TMEM87B: variants seen among roughly 807,000 people sequenced by gnomAD.
TMEM87B encodes transmembrane protein 87B.
A neutral mutation model predicts 80.3 loss-of-function variants in TMEM87B; 83 were observed. The ratio of observed to expected loss-of-function variants is 1.03; its 90% confidence interval spans 0.87 to 1.24. TMEM87B has a LOEUF of 1.24. Among genes scored for constraint, TMEM87B ranks in the 50% most tolerant of loss-of-function variants. The pLI, the probability that TMEM87B is intolerant of heterozygous loss-of-function variation, is 0.00. For synonymous variants in TMEM87B, 219 were observed against 230.5 expected (o/e 0.95, Z 0.45); for missense variants, 625 against 674.4 (o/e 0.93, Z 0.81).
chr2:112,080,550 C>T lies in TMEM87B; in HGVS notation c.593-507C>T, dbSNP rs551387880. On this transcript the variant is annotated intron_variant, in intron 6 of 18. Coordinates refer to ENST00000283206, the MANE Select transcript of TMEM87B (RefSeq NM_032824.3). ...CTGGGATTACAGGGGTGAGCCACCA[C>T]GCCCGGCCTGCCCATTCTTTTAATT... Among the ~76,000 whole-genome samples the T allele has an allele frequency of 6.6e-5, 10 of 152,332 alleles. No homozygotes were observed. The South Asian group carries it at 1.2e-3, about 19-fold the overall frequency.
intron 1 of TMEM87B, among the ~76,000 whole-genome samples, 154 bp downstream of exon 1, chr2:112,055,910 G>C (rs1678039893): frequency 6.6e-6 from 1 of 151,964 alleles, no homozygotes; most frequent in African/African-American, 2.4e-5. Flanking sequence ...GTTACAGCCG[G>C]GGAGCGGGGA....
chr2:112,055,482 C>T lies in TMEM87B; in HGVS notation c.-110C>T. ...CAAGCGCGAGCCCCTCCTCCACACC[C>T]GAGTCCGAGCCCCGCGTCCCGGATT... On this transcript the variant is annotated 5_prime_UTR_variant, in exon 1 of 19. Coordinates refer to ENST00000283206, the MANE Select transcript of TMEM87B (RefSeq NM_032824.3). 3 of 1,282,590 alleles carry T rather than the reference C, an allele frequency of 2.3e-6. No individual in the cohort carries two copies. Among genetic ancestry groups the T allele is most frequent in the Admixed American group, 3.5e-5 (1 of 28,714 alleles). The allele number at this position is 1,282,590 out of a possible 1,614,324, so 79.5% of individuals were successfully genotyped here.
intron 6 of TMEM87B, among the ~76,000 whole-genome samples, chr2:112,078,672 C>T (rs373649008): frequency 9.2e-5 from 14 of 152,198 alleles, no homozygotes; most frequent in South Asian, 2.1e-4. Flanking sequence ...CTGACACCAG[C>T]GGGCAGTTTT....
chr2:112,118,343 A>G lies in TMEM87B; in HGVS notation c.*2200A>G, dbSNP rs1480335121. 6.6e-6 allele frequency: 1 copy of G among 152,210 alleles called. No individual in the cohort carries two copies. The highest frequency in any genetic ancestry group is 2.4e-5 in the African/African-American group (1 of 41,438). The allele number at this position is 152,210 out of a possible 1,614,324, so 9.4% of individuals were successfully genotyped here. ...CAGCTCATCATCCCTGTTTCTGCAC[A>G]GTTTCCTGAAACTGGCCATCAGGGC... On this transcript the variant is annotated 3_prime_UTR_variant, in exon 19 of 19. Coordinates refer to ENST00000283206, the MANE Select transcript of TMEM87B (RefSeq NM_032824.3).
At position 112,078,035 on chromosome 2, in the gene TMEM87B, G is replaced by A. The variant is rs924533415; in HGVS notation, c.592+753G>A. 5.9e-5 allele frequency among the ~76,000 whole-genome samples: 9 copies of A among 152,278 alleles called. No homozygotes were observed. In the East Asian group the frequency reaches 1.5e-3, roughly 26 times the overall value. On this transcript the variant is annotated intron_variant, in intron 6 of 18. Transcript: ENST00000283206. ...GTGAGGTAGGCATTGCTGCAGAGGAGGCTCGGTCTGTTGTACTGCATGGCC... is the reference window on the plus strand; with the variant it reads ...GTGAGGTAGGCATTGCTGCAGAGGAAGCTCGGTCTGTTGTACTGCATGGCC...
At chr2:112,095,642 T>C (rs1679447962) in intron 11 of TMEM87B, among the ~76,000 whole-genome samples, 2 of 152,308 alleles carry the variant, frequency 1.3e-5, no homozygotes, top group Admixed American at 1.3e-4. Flanking sequence ...ATTGTATTGC[T>C]TTAGAAATTG....
intron 8 of TMEM87B, among the ~76,000 whole-genome samples, chr2:112,083,392 A>AAAATT (rs1206124823): frequency 5.9e-5 from 9 of 152,220 alleles, no homozygotes; most frequent in African/African-American, 2.2e-4. Flanking sequence ...GTACTTAAGT[A>AAAATT]AAATTAAATT....
chr2:112,097,109 A>G lies in TMEM87B; in HGVS notation c.1170A>G (p.Ser390=), dbSNP rs2104494163. The G allele has an allele frequency of 6.2e-7, 1 of 1,609,550 alleles. No individual in the cohort carries two copies. Among genetic ancestry groups the G allele is most frequent in the Admixed American group, 1.7e-5 (1 of 59,126 alleles). Residue 390 remains serine, a synonymous_variant, in exon 12 of 19, where the codon TCA becomes TCG. Coordinates refer to ENST00000283206, the MANE Select transcript of TMEM87B (RefSeq NM_032824.3). ...TAAGAAAGAACACTGTGAAATTTTC[A>G]TTATATAGACATTTTAAAAATACTC... ...LRLRKNTVKF[S]LYRHFKNTLI...
chr2:112,068,198 GA>G lies in TMEM87B; in HGVS notation c.450+1132del, dbSNP rs549208019. 2.8e-4 allele frequency among the ~76,000 whole-genome samples: 42 copies of G among 152,260 alleles called. No homozygotes were observed. The East Asian group carries it at 8.1e-3, about 29-fold the overall frequency. Reference sequence around the variant, plus strand: ...CATTGCACTCCAGACTGGGGGACAAGAGCGAGACTCCGTCTCAAAAAACAAA... The same window carrying G: ...CATTGCACTCCAGACTGGGGGACAAGGCGAGACTCCGTCTCAAAAAACAAA... On this transcript the variant is annotated intron_variant, in intron 4 of 18. Coordinates refer to ENST00000283206, the MANE Select transcript of TMEM87B (RefSeq NM_032824.3).
In TMEM87B at chr2:112,092,279, G is replaced by A. The variant is rs928784115; in HGVS notation, c.1104+496G>A. Among the ~76,000 whole-genome samples, 4 of 152,268 alleles carry A rather than the reference G, an allele frequency of 2.6e-5. No homozygotes were observed. The East Asian group carries it at 5.8e-4, about 22-fold the overall frequency. ...AGGGAAGAGGTATTCTAGGAAGAAC[G>A]GAGGGGAGCAAATGGTTGAAGCAGG... On this transcript the variant is annotated intron_variant, in intron 11 of 18. Transcript: ENST00000283206.
chr2:112,071,603 A>G (rs970689554), intron 4 of TMEM87B, among the ~76,000 whole-genome samples: 7 of 152,108 alleles, frequency 4.6e-5, no homozygotes, highest in Non-Finnish European at 1.0e-4. Flanking sequence ...CACCACGCCC[A>G]GCCGCTAGTG....
chr2:112,095,295 G>A, intron 11 of TMEM87B: 1 of 976,474 alleles, frequency 1.0e-6, no homozygotes, highest in Non-Finnish European at 1.2e-6. Flanking sequence ...GGCTTGTGCT[G>A]GTGGATATCC....
At chr2:112,094,521 C>G (rs1178297996) in intron 11 of TMEM87B, among the ~76,000 whole-genome samples, 2 of 151,934 alleles carry the variant, frequency 1.3e-5, no homozygotes, top group African/African-American at 4.8e-5. Context: ...AGTAATGCAG[C>G]TTGGCAGAAA....
intron 11 of TMEM87B, 101 bp from the exon 12 acceptor site, chr2:112,096,943 T>C: frequency 1.3e-6 from 1 of 754,784 alleles, no homozygotes. Context: ...TTTTAGGAAC[T>C]GTATTTAGCA....
intron 8 of TMEM87B, among the ~76,000 whole-genome samples, chr2:112,081,897 A>C (rs1424830702): frequency 6.6e-6 from 1 of 152,058 alleles, no homozygotes; most frequent in Non-Finnish European, 1.5e-5. Context: ...TTCTCCTTCA[A>C]AAAACGAAAG....
At chr2:112,083,063 C>G (rs1679046612) in intron 8 of TMEM87B, among the ~76,000 whole-genome samples, 1 of 152,184 alleles carries the variant, frequency 6.6e-6, no homozygotes, top group African/African-American at 2.4e-5. Flanking sequence ...CTGTCTTGCC[C>G]AGCATTGATC....
chr2:112,100,478 A>T, intron 14 of TMEM87B, 144 bp from the exon 15 acceptor site: 1 of 537,764 alleles, frequency 1.9e-6, no homozygotes, highest in South Asian at 2.8e-5. Flanking sequence ...AGCTAATTTG[A>T]AAGTAAAATA....
chr2:112,056,813 G>A (rs1436052410), intron 1 of TMEM87B, among the ~76,000 whole-genome samples: 1 of 152,150 alleles, frequency 6.6e-6, no homozygotes, highest in Non-Finnish European at 1.5e-5. Context: ...ATTCTTCTGG[G>A]TTGGTGACCT....
chr2:112,097,326 T>C (rs755980912), intron 13 of TMEM87B, 35 bp downstream of exon 13: 1 of 1,485,730 alleles, frequency 6.7e-7, no homozygotes, highest in South Asian at 1.2e-5. Flanking sequence ...CAGTTATTTT[T>C]ATTTATACTA....
Sources: gnomAD v4.1 joint callset for allele counts (sites outside exome capture counted in the v4.1 genomes callset) on GRCh38, gnomAD v4.1.1 for gene constraint, MANE v1.5 for transcripts, NCBI Gene and HGNC (gene_info 2026-07-23, HGNC 2026-07-21) for gene names.